CEP112: variants seen among roughly 807,000 people sequenced by gnomAD.
CEP112 encodes centrosomal protein of 112 kDa.
Under a neutral mutation model 153.0 loss-of-function variants are expected in CEP112, and 127 were observed. The observed-to-expected ratio is 0.83, with a 90% confidence interval of 0.72 to 0.96. The LOEUF (loss-of-function observed/expected upper bound fraction) is 0.96. Ranked by LOEUF, CEP112 falls within the 40% of genes least tolerant of loss-of-function variation. The pLI is 0.00. For synonymous variants in CEP112, 358 were observed against 374.4 expected (o/e 0.96, Z 0.51); for missense variants, 1,089 against 1,101.2 (o/e 0.99, Z 0.16).
At chr17:66,061,280 G>GC (rs1457286333) in intron 11 of CEP112, among the ~76,000 whole-genome samples, 1 of 151,968 alleles carries the variant, frequency 6.6e-6, no homozygotes, top group Non-Finnish European at 1.5e-5. Context: ...TCGAAAGATA[G>GC]CAAGTGTTGG....
At chr17:65,942,788 T>C (rs2061542921) in intron 18 of CEP112, among the ~76,000 whole-genome samples, 1 of 152,198 alleles carries the variant, frequency 6.6e-6, no homozygotes, top group Admixed American at 6.5e-5. Flanking sequence ...GGAATGTATA[T>C]TGGATGAGCA....
intron 8 of CEP112, among the ~76,000 whole-genome samples, chr17:66,094,073 ATTTT>A (rs1182354012): frequency 6.6e-6 from 1 of 151,964 alleles, no homozygotes; most frequent in African/African-American, 2.4e-5. Context: ...TTATTTATTT[ATTTT>A]GAGATGGAGT....
At chr17:65,997,202 C>T (rs1369116855) in intron 17 of CEP112, among the ~76,000 whole-genome samples, 5 of 152,124 alleles carry the variant, frequency 3.3e-5, no homozygotes, top group Admixed American at 3.3e-4. Flanking sequence ...CAGAGTGAGA[C>T]TCCATCTAAA....
chr17:65,771,265 A>G (rs1265903380), intron 21 of CEP112, among the ~76,000 whole-genome samples: 1 of 152,120 alleles, frequency 6.6e-6, no homozygotes, highest in Non-Finnish European at 1.5e-5. Context: ...AGAACAAAGA[A>G]GCTGCTCTGT....
intron 23 of CEP112, among the ~76,000 whole-genome samples, chr17:65,727,152 AC>A (rs1244718976): frequency 2.0e-5 from 3 of 152,168 alleles, no homozygotes; most frequent in Non-Finnish European, 2.9e-5. Flanking sequence ...ATCATTGACC[AC>A]GTTTTCAAAA....
At chr17:65,890,884 A>G (rs2059438859) in intron 20 of CEP112, among the ~76,000 whole-genome samples, 1 of 152,154 alleles carries the variant, frequency 6.6e-6, no homozygotes, top group Non-Finnish European at 1.5e-5. Flanking sequence ...GGTTATTGTT[A>G]CTGTGTCTCC....
At chr17:65,650,656 G>T (rs2045701036) in intron 24 of CEP112, among the ~76,000 whole-genome samples, 1 of 150,344 alleles carries the variant, frequency 6.7e-6, no homozygotes, top group African/African-American at 2.4e-5. Flanking sequence ...AGCACTTTGG[G>T]AGGCCAAGGT....
chr17:65,913,302 TATATG>T (rs1478451458), intron 19 of CEP112: 2 of 159,750 alleles, frequency 1.3e-5, no homozygotes, highest in Non-Finnish European at 2.7e-5. Context: ...TAGTCACAGT[TATATG>T]ATATAAAATG....
At chr17:65,844,956 T>G (rs2057671143) in intron 21 of CEP112, among the ~76,000 whole-genome samples, 1 of 151,630 alleles carries the variant, frequency 6.6e-6, no homozygotes, top group East Asian at 2.0e-4. Flanking sequence ...GAGGTTGCAG[T>G]GAGCCGAGAT....
At chr17:66,166,468 A>C (rs1325863585) in intron 4 of CEP112, among the ~76,000 whole-genome samples, 1 of 152,214 alleles carries the variant, frequency 6.6e-6, no homozygotes, top group African/African-American at 2.4e-5. Flanking sequence ...GAAAAGACAT[A>C]AAATTACTAC....
At chr17:65,879,502 C>A (rs1039467430) in intron 20 of CEP112, among the ~76,000 whole-genome samples, 1 of 152,106 alleles carries the variant, frequency 6.6e-6, no homozygotes, top group African/African-American at 2.4e-5. Context: ...TAATTTGTTA[C>A]AATAGCAATA....
chr17:66,148,796 C>T (rs183736240), intron 4 of CEP112, among the ~76,000 whole-genome samples: 80 of 152,196 alleles, frequency 5.3e-4, no homozygotes, highest in Non-Finnish European at 1.0e-3. Flanking sequence ...TGTCTGTGAA[C>T]AAAGATAATT....
chr17:66,096,272 G>A lies in CEP112; in HGVS notation c.747C>T (p.Leu249=), dbSNP rs747818191. 2 of 1,612,718 alleles carry A rather than the reference G, an allele frequency of 1.2e-6. No homozygotes were observed. The highest frequency in any genetic ancestry group is 1.7e-6 in the Non-Finnish European group (2 of 1,179,190). The change falls in exon 8 of 27, where the codon CTC becomes CTT. Residue 249 remains leucine, a synonymous_variant. Transcript: ENST00000535342. ...KSSSFHDDHF[L]SRIREKELDM... ...CTACCTCTTTCTCACGTATTCGAGA[G>A]AGAAAATGATCATCATGGAAACTGC...
At chr17:65,859,258 T>C (rs1398923137) in intron 20 of CEP112, among the ~76,000 whole-genome samples, 2 of 151,118 alleles carry the variant, frequency 1.3e-5, no homozygotes, top group Non-Finnish European at 3.0e-5. Flanking sequence ...CCTGGCAACA[T>C]GGCAAAACCC....
chr17:65,655,248 G>C, intron 24 of CEP112: 3 of 953,600 alleles, frequency 3.1e-6, no homozygotes, highest in Non-Finnish European at 5.2e-6. Flanking sequence ...CGGAGAATAC[G>C]GTGATCTATG....
At chr17:65,968,208 AC>A (rs1403690740) in intron 17 of CEP112, among the ~76,000 whole-genome samples, 1 of 152,114 alleles carries the variant, frequency 6.6e-6, no homozygotes, top group Non-Finnish European at 1.5e-5. Flanking sequence ...GTATGAAGTC[AC>A]TCAAGCAGAA....
intron 25 of CEP112, among the ~76,000 whole-genome samples, chr17:65,638,965 T>C (rs1238819709): frequency 1.3e-5 from 2 of 152,152 alleles, no homozygotes; most frequent in East Asian, 3.9e-4. Context: ...ACACTATCTG[T>C]AGCTCACCTA....
chr17:66,130,378 A>T (rs966826639), intron 5 of CEP112, among the ~76,000 whole-genome samples: 3 of 152,206 alleles, frequency 2.0e-5, no homozygotes, highest in Non-Finnish European at 4.4e-5. Context: ...AAATTAGTTA[A>T]CAGGGAAGTT....
At chr17:65,991,232 T>G (rs982507678) in intron 17 of CEP112, among the ~76,000 whole-genome samples, 5 of 152,222 alleles carry the variant, frequency 3.3e-5, no homozygotes, top group Admixed American at 3.3e-4. Context: ...AACTTTGATA[T>G]AATTCATTGA....
Sources: allele counts gnomAD v4.1 joint callset (sites outside exome capture counted in the v4.1 genomes callset), GRCh38; gene constraint gnomAD v4.1.1; transcripts MANE v1.5; gene names NCBI Gene and HGNC (gene_info 2026-07-23, HGNC 2026-07-21).